UBE2D3: variants seen among roughly 807,000 people sequenced by gnomAD.
The protein encoded by UBE2D3 is ubiquitin conjugating enzyme E2 D3.
UBE2D3 carries 2 observed loss-of-function variants against 22.8 expected under a neutral mutation model. The ratio of observed to expected loss-of-function variants is 0.09; its 90% CI spans 0.04 to 0.28. UBE2D3 has a LOEUF of 0.28. UBE2D3 is among the 10% of genes least tolerant of loss of function. The pLI is 1.00. For synonymous variants in UBE2D3, 56 were observed against 60.4 expected, an observed-to-expected ratio of 0.93 and a Z score of 0.34; for missense variants, 27 against 182.5, an observed-to-expected ratio of 0.15 and a Z score of 4.91.
At chr4:102,810,194 G>T in intron 2 of UBE2D3, 1 of 196,314 alleles carries the variant, frequency 5.1e-6, no homozygotes, top group South Asian at 1.0e-4. Flanking sequence ...GTTATTTGTT[G>T]AACTTCCAAG....
chr4:102,810,999 CCT>C (rs1202520610), intron 2 of UBE2D3: 1 of 152,150 alleles, frequency 6.6e-6, no homozygotes, highest in African/African-American at 2.4e-5. Context: ...TTCTATATCC[CCT>C]TTCTCATATA....
At chr4:102,799,280 A>G (rs1288701304) in intron 7 of UBE2D3, 127 bp downstream of exon 7, 2 of 770,854 alleles carry the variant, frequency 2.6e-6, no homozygotes, top group South Asian at 2.0e-5. Context: ...CCACATTTCA[A>G]TAGCTTTCTC....
At chr4:102,830,092 AC>A (rs1424093488), upstream of UBE2D3, among the ~76,000 whole-genome samples, 3 of 152,252 alleles carry the variant, frequency 2.0e-5, no homozygotes, top group Non-Finnish European at 4.4e-5. Flanking sequence ...AAGTGGACTT[AC>A]ATTTCTGCTT....
intron 2 of UBE2D3, among the ~76,000 whole-genome samples, chr4:102,814,171 G>A (rs1281396547): frequency 6.6e-6 from 1 of 151,716 alleles, no homozygotes; most frequent in African/African-American, 2.4e-5. Context: ...TCAACAATCT[G>A]TAAAAGAAAC....
chr4:102,852,537 A>G (rs1732413068), intron 1 of UBE2D3, among the ~76,000 whole-genome samples: 1 of 152,168 alleles, frequency 6.6e-6, no homozygotes, highest in Non-Finnish European at 1.5e-5. Context: ...ACTTTTCTCC[A>G]TCTTTTTCTC....
rs1725066329 is a variant in UBE2D3 at position 102,794,539 on chromosome 4, T to A, written c.*2876A>T. ...ATTCACTTAAAAGTGTAATCAACAA[T>A]CATTAACAGTTTTGTTATGCCAACA... On this transcript the variant is annotated 3_prime_UTR_variant, in exon 8 of 8. Coordinates refer to ENST00000453744, the MANE Select transcript of UBE2D3 (RefSeq NM_181891.3). The A allele has an allele frequency of 6.6e-6, 1 of 151,976 alleles. No individual in the cohort carries two copies. Among genetic ancestry groups the A allele is most frequent in the Admixed American group, 6.6e-5 (1 of 15,248 alleles). The allele number at this position is 151,976 out of a possible 1,614,324, so 9.4% of individuals were successfully genotyped here.
chr4:102,819,959 A>G (rs1467774722), intron 2 of UBE2D3, among the ~76,000 whole-genome samples: 1 of 152,244 alleles, frequency 6.6e-6, no homozygotes, highest in Non-Finnish European at 1.5e-5. Flanking sequence ...AATCAGCATT[A>G]TAAAAACAGC....
At chr4:102,834,880 G>A (rs903544075) in intron 1 of UBE2D3, among the ~76,000 whole-genome samples, 2 of 151,926 alleles carry the variant, frequency 1.3e-5, no homozygotes, top group African/African-American at 4.8e-5. Context: ...CAGGGCTCAA[G>A]GAGTCCTCCC....
intron 1 of UBE2D3, among the ~76,000 whole-genome samples, chr4:102,866,310 A>G (rs567244482): frequency 2.6e-5 from 4 of 152,360 alleles, no homozygotes; most frequent in African/African-American, 9.6e-5. Flanking sequence ...ACTTGAAAAT[A>G]GCAAACCAGC....
chr4:102,837,434 G>A (rs1050762435), intron 1 of UBE2D3, among the ~76,000 whole-genome samples: 5 of 152,148 alleles, frequency 3.3e-5, no homozygotes, highest in African/African-American at 1.2e-4. Flanking sequence ...GTAAGTTTGT[G>A]GCAGCCCATA....
rs374323614 is a variant in UBE2D3, at chr4:102,807,616, A to C, written c.120+2056T>G. 2.0e-5 allele frequency among the ~76,000 whole-genome samples: 3 copies of C among 152,340 alleles called. No homozygotes were observed. In the East Asian group the frequency reaches 5.8e-4, roughly 29 times the overall value. On this transcript the variant is annotated intron_variant, in intron 4 of 7. Coordinates refer to ENST00000453744, the MANE Select transcript of UBE2D3 (RefSeq NM_181891.3). ...CTGTTTGTAAAAGCAGAAAACTGCT[A>C]GTCATTATATTAAAAGGTTGCTGAA...
At chr4:102,864,700 T>C (rs223339) in intron 1 of UBE2D3, among the ~76,000 whole-genome samples, 82,821 of 151,984 alleles carry the variant, frequency 0.54, 23,157 homozygotes, top group African/African-American at 0.68. Context: ...CTGAAATTCA[T>C]AGAGTAGTAA....
chr4:102,839,219 A>AT (rs566191163), intron 1 of UBE2D3, among the ~76,000 whole-genome samples: 113 of 152,354 alleles, frequency 7.4e-4, no homozygotes, highest in Middle Eastern at 3.4e-3. Context: ...AATGAAAGGC[A>AT]TATACATTTA....
intron 2 of UBE2D3, among the ~76,000 whole-genome samples, chr4:102,814,331 C>G (rs1290367174): frequency 6.6e-6 from 1 of 151,478 alleles, no homozygotes; most frequent in African/African-American, 2.4e-5. Context: ...CTCTGTCATC[C>G]AGGCTGGAGT....
At chr4:102,797,527 A>G in intron 7 of UBE2D3, 67 bp from the exon 8 acceptor site, 1 of 1,317,180 alleles carries the variant, frequency 7.6e-7, no homozygotes, top group Middle Eastern at 1.9e-4. Flanking sequence ...ATGGAAGGGA[A>G]AGATTTCCAT....
At chr4:102,819,662 C>T (rs1729281587) in intron 2 of UBE2D3, 7 of 909,204 alleles carry the variant, frequency 7.7e-6, no homozygotes, top group Non-Finnish European at 9.2e-6. Context: ...AGTGGCAAGG[C>T]CAAGTTCATG....
At chr4:102,836,141 ATTTTTTT>A (rs907557988) in intron 1 of UBE2D3, among the ~76,000 whole-genome samples, 10 of 102,646 alleles carry the variant, frequency 9.7e-5, no homozygotes, top group South Asian at 3.1e-4. Flanking sequence ...GTTTGTTTCC[ATTTTTTT>A]TTTTTTTTTT....
At chr4:102,824,127 G>T (rs776547863) in intron 2 of UBE2D3, among the ~76,000 whole-genome samples, 10 of 152,188 alleles carry the variant, frequency 6.6e-5, no homozygotes, top group Non-Finnish European at 7.3e-5. Context: ...ACATGCACAC[G>T]TCAAAGTTTC....
At chr4:102,868,866 G>A (rs1204933861) in exon 1 of UBE2D3, 12 of 1,519,074 alleles carry the variant, frequency 7.9e-6, no homozygotes, top group Admixed American at 7.1e-5. Flanking sequence ...CTCGCTACCC[G>A]CCAGTTCCCG....
Sources: allele counts gnomAD v4.1 joint callset (sites outside exome capture counted in the v4.1 genomes callset), GRCh38; gene constraint gnomAD v4.1.1; transcripts MANE v1.5; gene names NCBI Gene and HGNC (gene_info 2026-07-23, HGNC 2026-07-21).